The following FYB1 variants were observed in gnomAD, a reference collection of about 807,000 sequenced individuals.
FYB1 encodes FYN binding protein 1, also known as FYN-binding protein 1.
In FYB1, 41 loss-of-function variants were observed where a neutral mutation model predicts 94.1. The ratio of observed to expected loss-of-function variants is 0.44; its 90% CI spans 0.34 to 0.57. The LOEUF is 0.57. Ranked by LOEUF, FYB1 falls within the 20% of genes least tolerant of loss-of-function variation. The pLI, the probability that FYB1 is intolerant of heterozygous loss-of-function variation, is 0.02. For synonymous variants in FYB1, 367 were observed against 353.2 expected (o/e 1.04, Z -0.44); for missense variants, 1,050 against 976.8 (o/e 1.07, Z -1.00).
At chr5:39,260,058 A>G (rs539110314) in intron 1 of FYB1, among the ~76,000 whole-genome samples, 1 of 152,234 alleles carries the variant, frequency 6.6e-6, no homozygotes, top group Non-Finnish European at 1.5e-5. Flanking sequence ...AGAGAGACAC[A>G]GAGATAAAAA....
At chr5:39,156,582 T>C (rs567555076) in intron 2 of FYB1, among the ~76,000 whole-genome samples, 1 of 152,350 alleles carries the variant, frequency 6.6e-6, no homozygotes, top group African/African-American at 2.4e-5. Context: ...TGGGAGAACA[T>C]ATGCTGAAGT....
At chr5:39,270,394 A>G (rs1752623220) in intron 1 of FYB1, among the ~76,000 whole-genome samples, 1 of 152,200 alleles carries the variant, frequency 6.6e-6, no homozygotes, top group Admixed American at 6.5e-5. Context: ...CATGTCTCTC[A>G]ACTGGCATGA....
At chr5:39,218,868 G>T (rs1333000083) in intron 1 of FYB1, among the ~76,000 whole-genome samples, 1 of 152,200 alleles carries the variant, frequency 6.6e-6, no homozygotes, top group Non-Finnish European at 1.5e-5. Flanking sequence ...GGCCTCCTTG[G>T]CTGATCTGCA....
intron 3 of FYB1, among the ~76,000 whole-genome samples, chr5:39,142,014 C>T (rs982103036): frequency 1.1e-4 from 17 of 152,168 alleles, no homozygotes; most frequent in Admixed American, 9.8e-4. Flanking sequence ...CCCTTAATAG[C>T]ATTATCAATA....
At chr5:39,140,245 A>G (rs1313226772) in intron 4 of FYB1, among the ~76,000 whole-genome samples, 1 of 152,234 alleles carries the variant, frequency 6.6e-6, no homozygotes, top group Non-Finnish European at 1.5e-5. Flanking sequence ...TTGACATGAC[A>G]TTAATGTCTG....
chr5:39,203,091 T>G, intron 1 of FYB1, 104 bp from the exon 2 acceptor site: 1 of 931,264 alleles, frequency 1.1e-6, no homozygotes, highest in South Asian at 1.7e-5. Context: ...CCTGCAGCGT[T>G]GCTGATTGGT....
intron 4 of FYB1, chr5:39,140,137 C>T (rs953686451): frequency 6.6e-5 from 10 of 152,092 alleles, no homozygotes; most frequent in African/African-American, 1.9e-4. Flanking sequence ...TTAATACATT[C>T]GATTATATCA....
intron 15 of FYB1, 38 bp downstream of exon 15, chr5:39,119,497 G>C (rs1208174133): frequency 2.2e-6 from 3 of 1,385,628 alleles, no homozygotes; most frequent in East Asian, 2.7e-5. Context: ...TTTTTCAATA[G>C]TGCTTTGTAC....
intron 2 of FYB1, among the ~76,000 whole-genome samples, chr5:39,192,741 A>G (rs952732469): frequency 3.9e-5 from 6 of 152,252 alleles, no homozygotes; most frequent in Non-Finnish European, 8.8e-5. Context: ...AGTATGGACT[A>G]TTGTTGAGCT....
At chr5:39,143,784 C>G (rs891164353) in intron 3 of FYB1, among the ~76,000 whole-genome samples, 4 of 152,098 alleles carry the variant, frequency 2.6e-5, no homozygotes, top group African/African-American at 9.7e-5. Context: ...GTCTCAGTCT[C>G]TACTTGAGAT....
At chr5:39,262,778 G>A (rs968071650) in intron 1 of FYB1, among the ~76,000 whole-genome samples, 8 of 151,988 alleles carry the variant, frequency 5.3e-5, no homozygotes, top group Non-Finnish European at 1.2e-4. Context: ...ACCCAATGTA[G>A]AGTGAAAGAA....
At chr5:39,204,943 T>G (rs1748710610) in intron 1 of FYB1, among the ~76,000 whole-genome samples, 1 of 152,118 alleles carries the variant, frequency 6.6e-6, no homozygotes. Flanking sequence ...CCTGACTTCC[T>G]CAAATCCTCA....
Position 39,134,266 on chromosome 5 carries a change from G to A in FYB1, c.1759C>T (p.Pro587Ser). 6.2e-7 allele frequency: 1 copy of A among 1,607,792 alleles called. No homozygotes were observed. Among genetic ancestry groups the A allele is most frequent in the Non-Finnish European group, 8.5e-7 (1 of 1,174,476 alleles). ...TATACTTCTTGGTCATCTTCAATAG[G>A]TCTTGAAGGGGCACCAAGAGAGTCT... ...KKDSLGAPSR[P>S]IEDDQEVYDD... Residue 587 changes from proline to serine, a missense_variant, in exon 9 of 19, where the codon CCT becomes TCT. Physicochemically the swap from Pro to Ser is moderately conservative, Grantham distance 74 (BLOSUM62 -1). Transcript: ENST00000512982.
At chr5:39,132,918 A>G (rs189987869) in intron 9 of FYB1, among the ~76,000 whole-genome samples, 28 of 152,318 alleles carry the variant, frequency 1.8e-4, no homozygotes, top group Admixed American at 1.6e-3. Flanking sequence ...ACTGGCATTT[A>G]CTGACTCACA....
At chr5:39,134,813 G>T in intron 8 of FYB1, 42 bp downstream of exon 8, 1 of 1,605,298 alleles carries the variant, frequency 6.2e-7, no homozygotes, top group Non-Finnish European at 8.5e-7. Context: ...ATATTGCCTC[G>T]CAAAGAAAAT....
At chr5:39,222,496 T>C (rs929140025), upstream of FYB1, among the ~76,000 whole-genome samples, 1 of 152,232 alleles carries the variant, frequency 6.6e-6, no homozygotes, top group Non-Finnish European at 1.5e-5. Flanking sequence ...CTCTGTGTCC[T>C]AAAAGTATAT....
intron 11 of FYB1, among the ~76,000 whole-genome samples, chr5:39,127,087 A>G (rs1740746176): frequency 6.7e-6 from 1 of 149,860 alleles, no homozygotes; most frequent in African/African-American, 2.4e-5. Flanking sequence ...AAAAAAAGAA[A>G]TCTTAAACTT....
In FYB1 at chr5:39,219,430, G is replaced by T; in HGVS notation, c.-28+13C>A. ...CATTTATTTGAAAGAAGAAACCTAG[G>T]CATAGCTGTTACCTGACTCCTGCAG... On this transcript the variant is annotated intron_variant, in intron 1 of 18. Transcript: ENST00000512982. 1.0e-6 allele frequency: 1 copy of T among 985,368 alleles called. No homozygotes were observed. 61.0% of individuals were successfully genotyped at this position (985,368 alleles called of 1,614,324 possible).
At chr5:39,227,615 A>T (rs1345480) in intron 1 of FYB1, among the ~76,000 whole-genome samples, 25,638 of 152,192 alleles carry the variant, frequency 0.17, 5,763 homozygotes, top group African/African-American at 0.5. Flanking sequence ...ACTAAAGTGA[A>T]TTCATGTAAT....
Sources: gnomAD v4.1 joint callset for allele counts (sites outside exome capture counted in the v4.1 genomes callset) on GRCh38, gnomAD v4.1.1 for gene constraint, MANE v1.5 for transcripts, NCBI Gene and HGNC (gene_info 2026-07-23, HGNC 2026-07-21) for gene names.